XPO6: variants seen among roughly 807,000 people sequenced by gnomAD.
XPO6 encodes the protein exportin-6.
Under a neutral mutation model 130.0 loss-of-function variants are expected in XPO6, and 3 were observed. That is an observed-to-expected ratio of 0.02 (90% confidence interval 0.01 to 0.06). The LOEUF is 0.06. Among genes scored for constraint, XPO6 ranks in the 10% least tolerant of loss-of-function variants. The pLI is 1.00. For synonymous variants in XPO6, 524 were observed against 548.9 expected, an observed-to-expected ratio of 0.95 and a Z score of 0.63; for missense variants, 970 against 1,393.0, an observed-to-expected ratio of 0.70 and a Z score of 4.83.
intron 7 of XPO6, 111 bp from the exon 8 acceptor site, chr16:28,152,896 T>C: frequency 6.9e-7 from 1 of 1,440,574 alleles, no homozygotes; most frequent in African/African-American, 1.5e-5. Flanking sequence ...GTAATATATT[T>C]TCTTTTAAAA....
At chr16:28,172,299 C>A (rs534877704) in intron 4 of XPO6, among the ~76,000 whole-genome samples, 1 of 152,320 alleles carries the variant, frequency 6.6e-6, no homozygotes, top group African/African-American at 2.4e-5. Flanking sequence ...CATAGGTAAT[C>A]TCTGCAATTT....
Position 28,106,406 on chromosome 16 carries a change from C to A in XPO6, c.2589G>T (p.Gln863His). ...MGVPFTEQIIQTFLNMFTREQ... is the reference protein window; with the variant it reads ...MGVPFTEQIIHTFLNMFTREQ... ...ACCTGGTAAACATGTTGAGGAAAGTCTGTATGATTTGCTCAGTGAAAGGCA... is the reference window on the plus strand; with the variant it reads ...ACCTGGTAAACATGTTGAGGAAAGTATGTATGATTTGCTCAGTGAAAGGCA... Residue 863 changes from glutamine (Q) to histidine (H), a missense_variant, in exon 19 of 24, where the codon CAG (glutamine) becomes CAT (histidine). Gln to His is a conservative substitution (Grantham distance 24). Coordinates refer to ENST00000304658, the MANE Select transcript of XPO6 (RefSeq NM_015171.4). This position sits in a 1 kb window ranked among gnomAD's most constrained non-coding sequence, Gnocchi z 4.2. 2 of 1,614,128 alleles carry A rather than the reference C, an allele frequency of 1.2e-6. No individual in the cohort carries two copies. The highest frequency in any genetic ancestry group is 1.7e-6 in the Non-Finnish European group (2 of 1,179,982).
intron 9 of XPO6, among the ~76,000 whole-genome samples, chr16:28,139,277 T>G (rs531306880): frequency 1.3e-5 from 2 of 152,316 alleles, no homozygotes; most frequent in South Asian, 4.1e-4. Flanking sequence ...AGGCGCCATC[T>G]GCAAGCTACC....
At chr16:28,166,120 C>G (rs2043352194) in intron 6 of XPO6, among the ~76,000 whole-genome samples, 1 of 151,494 alleles carries the variant, frequency 6.6e-6, no homozygotes, top group South Asian at 2.1e-4. Flanking sequence ...CCTTGGCCAA[C>G]ATGAATCCAG....
chr16:28,114,387 C>T (rs1436220139), intron 15 of XPO6, among the ~76,000 whole-genome samples: 4 of 152,140 alleles, frequency 2.6e-5, no homozygotes, highest in Non-Finnish European at 5.9e-5. Context: ...CTCAGAGATA[C>T]TGCAGGTTCA....
At chr16:28,151,507 G>A (rs961241518) in intron 8 of XPO6, among the ~76,000 whole-genome samples, 1 of 152,140 alleles carries the variant, frequency 6.6e-6, no homozygotes, top group Non-Finnish European at 1.5e-5. Context: ...TAAAACAGGC[G>A]AAACTAGTCT....
chr16:28,150,263 T>A (rs1389678500), intron 8 of XPO6, among the ~76,000 whole-genome samples: 2 of 152,228 alleles, frequency 1.3e-5, no homozygotes, highest in Non-Finnish European at 2.9e-5. Flanking sequence ...GGAGCTCATC[T>A]GACGATTCCA....
chr16:28,196,525 C>A (rs1384767437), intron 1 of XPO6, among the ~76,000 whole-genome samples: 1 of 152,134 alleles, frequency 6.6e-6, no homozygotes. Context: ...CTTAATGTCA[C>A]CGAACTGCAT....
intron 8 of XPO6, among the ~76,000 whole-genome samples, chr16:28,150,170 C>T (rs766951801): frequency 2.0e-5 from 3 of 152,048 alleles, no homozygotes; most frequent in Admixed American, 1.3e-4. Flanking sequence ...TCTGTCTGGA[C>T]GTCAAAGACA....
At chr16:28,112,822 A>C (rs2086959307) in intron 16 of XPO6, 82 bp downstream of exon 16, 10 of 1,520,344 alleles carry the variant, frequency 6.6e-6, no homozygotes, top group Non-Finnish European at 8.8e-6. Flanking sequence ...GTACAAAATC[A>C]AAGGCCAGAC....
intron 1 of XPO6, among the ~76,000 whole-genome samples, chr16:28,208,626 GAGTTCATGA>G: frequency 6.6e-6 from 1 of 152,312 alleles, no homozygotes; most frequent in East Asian, 1.9e-4. Context: ...AATGCACATG[GAGTTCATGA>G]AGCCAACTAC....
chr16:28,131,235 C>G (rs1231908994), intron 12 of XPO6, among the ~76,000 whole-genome samples: 1 of 152,204 alleles, frequency 6.6e-6, no homozygotes, highest in African/African-American at 2.4e-5. Context: ...CTGGGGCCCA[C>G]TAGATTATTT....
Position 28,101,980 on chromosome 16 carries a change from G to T in XPO6, c.2947-35C>A. On this transcript the variant is annotated intron_variant, in intron 21 of 23. Coordinates refer to ENST00000304658, the MANE Select transcript of XPO6 (RefSeq NM_015171.4). This position sits in a 1 kb window ranked among gnomAD's most constrained non-coding sequence, Gnocchi z 5.4. ...GAGACCACCATTTTATAAACTGCAAGACCAAGCACTTCTGGAGCATCTACC... is the reference window on the plus strand; with the variant it reads ...GAGACCACCATTTTATAAACTGCAATACCAAGCACTTCTGGAGCATCTACC... 1 of 1,573,310 alleles carries T rather than the reference G, an allele frequency of 6.4e-7. No homozygotes were observed. Among genetic ancestry groups the T allele is most frequent in the South Asian group, 1.1e-5 (1 of 89,382 alleles).
rs1428655837 is a variant in XPO6, at chr16:28,211,556, G to C, written c.-188C>G. On this transcript the variant is annotated 5_prime_UTR_variant, in exon 1 of 24. Transcript: ENST00000304658. ...AGGGCCGCCCGGGTCGCCTCATCGGGGGACCCCGAGACAATTCATCCAGAC... is the reference window on the plus strand; with the variant it reads ...AGGGCCGCCCGGGTCGCCTCATCGGCGGACCCCGAGACAATTCATCCAGAC... 1.4e-5 allele frequency: 7 copies of C among 488,990 alleles called. No homozygotes were observed. In the East Asian group the frequency reaches 2.5e-4, roughly 17 times the overall value. The allele number at this position is 488,990 out of a possible 1,614,324, so 30.3% of individuals were successfully genotyped here.
At chr16:28,176,833 G>A (rs923504128) in intron 3 of XPO6, among the ~76,000 whole-genome samples, 2 of 152,044 alleles carry the variant, frequency 1.3e-5, no homozygotes, top group South Asian at 2.1e-4. Context: ...TTAAAGGGGG[G>A]CACAGAAGAC....
intron 5 of XPO6, among the ~76,000 whole-genome samples, chr16:28,167,917 T>A (rs996587876): frequency 6.7e-6 from 1 of 148,574 alleles, no homozygotes; most frequent in Non-Finnish European, 1.5e-5. Flanking sequence ...ATGCCAGGGA[T>A]TGGGGGAGAG....
At chr16:28,158,130 T>G (rs2043212166) in intron 6 of XPO6, among the ~76,000 whole-genome samples, 1 of 152,338 alleles carries the variant, frequency 6.6e-6, no homozygotes, top group South Asian at 2.1e-4. Context: ...ACAGTTTTAC[T>G]ATACCACTTA....
At chr16:28,171,538 A>G (rs569937379) in intron 4 of XPO6, among the ~76,000 whole-genome samples, 3,955 of 152,106 alleles carry the variant, frequency 0.026, 134 homozygotes, top group African/African-American at 0.083. Flanking sequence ...TCACAAAGCA[A>G]GGAAAAGCTC....
intron 15 of XPO6, among the ~76,000 whole-genome samples, chr16:28,115,443 TCAG>T (rs2087031797): frequency 6.6e-6 from 1 of 152,196 alleles, no homozygotes. Context: ...GCATTGCCAA[TCAG>T]CAGATTTTGA....
Sources: allele counts gnomAD v4.1 joint callset (sites outside exome capture counted in the v4.1 genomes callset), GRCh38; gene constraint gnomAD v4.1.1; non-coding constraint Gnocchi (gnomAD v3.1); transcripts MANE v1.5; gene names NCBI Gene and HGNC (gene_info 2026-07-23, HGNC 2026-07-21).